Variants in DNAH14 observed in about 807,000 individuals in gnomAD.
DNAH14 encodes dynein axonemal heavy chain 14.
DNAH14 carries 478 observed loss-of-function variants against 520.9 expected under a neutral mutation model. The observed-to-expected ratio is 0.92, with a 90% CI of 0.85 to 0.99. The LOEUF (loss-of-function observed/expected upper bound fraction) is 0.99. Among genes scored for constraint, DNAH14 ranks in the 50% least tolerant of loss-of-function variants. The probability of loss-of-function intolerance (pLI) is 0.00; values close to 1 mark genes in which losing one functional copy is unlikely to be tolerated. For missense variants in DNAH14, 4,831 were observed against 5,234.5 expected, an observed-to-expected ratio of 0.92 and a Z score of 2.38; for synonymous variants, 1,581 against 1,757.2, an observed-to-expected ratio of 0.90 and a Z score of 2.51.
rs1383101536 is a variant in DNAH14 at position 225,265,222 on chromosome 1, G to T, written c.7263G>T (p.Lys2421Asn). 6.6e-7 allele frequency: 1 copy of T among 1,505,424 alleles called. No homozygotes were observed. The highest frequency in any genetic ancestry group is 8.8e-7 in the Non-Finnish European group (1 of 1,132,232). 93.3% of individuals were successfully genotyped at this position (1,505,424 alleles called of 1,614,324 possible). The change falls in exon 48 of 86, where the codon AAG becomes AAT. Residue 2421 changes from lysine to asparagine, a missense_variant. By Grantham distance (94) the Lys-to-Asn change is moderately conservative. Transcript: ENST00000682510. ...AGCCAGAAGTTAGAACTAATAAAAA[G>T]TTACTTAAAAATAATGATCATAAAG... ...TKKPEVRTNK[K>N]LLKNNDHKGV...
intron 30 of DNAH14, 33 bp downstream of exon 30, chr1:225,145,412 A>G: frequency 1.4e-6 from 2 of 1,447,896 alleles, no homozygotes; most frequent in Non-Finnish European, 1.9e-6. Context: ...AGGAAGAAAT[A>G]TTGTACACAT....
chr1:225,108,174 A>G (rs2076228652), intron 23 of DNAH14, among the ~76,000 whole-genome samples: 2 of 152,142 alleles, frequency 1.3e-5, no homozygotes, highest in South Asian at 4.1e-4. Flanking sequence ...CCCTTGCTGG[A>G]TGCTTCCTGC....
At position 225,310,134 on chromosome 1, in the gene DNAH14, A is replaced by T. The variant is rs141757273; in HGVS notation, c.9240+1724A>T. Among the ~76,000 whole-genome samples, 36 of 152,048 alleles carry T rather than the reference A, an allele frequency of 2.4e-4. No homozygotes were observed. The East Asian group carries it at 6.4e-3, about 27-fold the overall frequency. On this transcript the variant is annotated intron_variant, in intron 60 of 85. Transcript: ENST00000682510. ...TATTTTAAGCCAATTAAAAATTGAT[A>T]CAGAGAAATTCATGGCGTTTGTTTT...
At chr1:225,172,771 A>G (rs2082855051) in intron 36 of DNAH14, among the ~76,000 whole-genome samples, 1 of 152,010 alleles carries the variant, frequency 6.6e-6, no homozygotes, top group Non-Finnish European at 1.5e-5. Flanking sequence ...TAAAATTCAT[A>G]TGGAACCAAA....
chr1:224,948,093 T>C (rs897049329), intron 1 of DNAH14, among the ~76,000 whole-genome samples: 3 of 152,014 alleles, frequency 2.0e-5, no homozygotes, highest in Non-Finnish European at 1.5e-5. Context: ...ATTTGTTTGT[T>C]TGCTAGTTTT....
At position 225,240,279 on chromosome 1, in the gene DNAH14, T is replaced by C. The variant is rs1206593806; in HGVS notation, c.6519-314T>C. 2.7e-5 allele frequency among the ~76,000 whole-genome samples: 4 copies of C among 149,928 alleles called. No homozygotes were observed. The Admixed American group carries it at 2.7e-4, about 10-fold the overall frequency. On this transcript the variant is annotated intron_variant, in intron 42 of 85. Coordinates refer to ENST00000682510, the MANE Select transcript of DNAH14 (RefSeq NM_001367479.1). ...TATATATGTATATTAAATAACATAC[T>C]AAACATATATTAAAGTATATTATAA... is the stretch of plus-strand genomic sequence containing the variant.
At chr1:225,122,829 G>A (rs915152066) in intron 26 of DNAH14, among the ~76,000 whole-genome samples, 17 of 151,982 alleles carry the variant, frequency 1.1e-4, no homozygotes, top group Admixed American at 6.6e-5. Flanking sequence ...AAAATTAAAA[G>A]GTTCAGTACT....
chr1:225,060,939 C>G (rs1303650241), intron 17 of DNAH14, among the ~76,000 whole-genome samples: 7 of 97,170 alleles, frequency 7.2e-5, no homozygotes, highest in African/African-American at 2.0e-4. Context: ...GGCTACCTCC[C>G]AGTTAGGCTA....
At chr1:225,347,606 A>G (rs16844752) in intron 71 of DNAH14, among the ~76,000 whole-genome samples, 36,296 of 152,062 alleles carry the variant, frequency 0.24, 4,552 homozygotes, top group East Asian at 0.35. Flanking sequence ...ACTAAAATCC[A>G]GATGCAAGCA....
Position 224,929,751 on chromosome 1 carries a change from A to C in DNAH14, c.-118A>C, listed in dbSNP as rs1164826947. On this transcript the variant is annotated 5_prime_UTR_variant, in exon 1 of 86. Coordinates refer to ENST00000682510, the MANE Select transcript of DNAH14 (RefSeq NM_001367479.1). ...CTGCGCGGTCCTTCCCATTCACCCT[A>C]GTCTGGCGCTCGCCGGCGTGGGCGG... 3.0e-5 allele frequency: 21 copies of C among 701,918 alleles called. No homozygotes were observed. The highest frequency in any genetic ancestry group is 2.6e-6 in the Non-Finnish European group (1 of 384,662). 43.5% of individuals were successfully genotyped at this position (701,918 alleles called of 1,614,324 possible).
At chr1:225,258,432 G>A (rs985885334) in intron 45 of DNAH14, among the ~76,000 whole-genome samples, 3 of 152,008 alleles carry the variant, frequency 2.0e-5, no homozygotes, top group African/African-American at 4.8e-5. Flanking sequence ...AACATTGATT[G>A]GTTTACTTAC....
intron 54 of DNAH14, among the ~76,000 whole-genome samples, chr1:225,277,744 G>A (rs963121146): frequency 1.3e-5 from 2 of 152,134 alleles, no homozygotes; most frequent in African/African-American, 4.8e-5. Flanking sequence ...TCTAGTGTTC[G>A]CAGCATTAAT....
In DNAH14 at chr1:225,080,621, G is replaced by A. The variant is rs1294472187; in HGVS notation, c.3009G>A (p.Trp1003Ter). The change falls in exon 19 of 86, where the codon TGG (tryptophan) becomes TGA (stop). Residue 1003 changes from tryptophan (W) to a stop codon, truncating the protein, a stop_gained. Transcript: ENST00000682510. LOFTEE classifies it high-confidence loss of function. The part of the protein sequence containing the change: ...EGDLTLRKKL[W>*]EAQEEWKRAS... ...ACTTGACTTTGAGGAAAAAACTATG[G>A]GAAGCACAAGAGGAGTGGAAGCGAG... 2 of 1,552,068 alleles carry A rather than the reference G, an allele frequency of 1.3e-6. No homozygotes were observed. Among genetic ancestry groups the A allele is most frequent in the East Asian group, 4.9e-5 (2 of 40,898 alleles).
intron 17 of DNAH14, among the ~76,000 whole-genome samples, chr1:225,077,309 A>T (rs903801571): frequency 6.6e-6 from 1 of 152,162 alleles, no homozygotes; most frequent in Non-Finnish European, 1.5e-5. Context: ...TATTTTTAAG[A>T]TTTTTGTGTT....
intron 36 of DNAH14, among the ~76,000 whole-genome samples, chr1:225,174,134 A>T (rs1227261177): frequency 1.3e-5 from 2 of 152,124 alleles, no homozygotes; most frequent in African/African-American, 4.8e-5. Context: ...GAGGGGAGGG[A>T]TAGCATTAGG....
intron 8 of DNAH14, among the ~76,000 whole-genome samples, chr1:225,000,062 A>C (rs1259088519): frequency 6.6e-6 from 1 of 152,168 alleles, no homozygotes; most frequent in African/African-American, 2.4e-5. Context: ...TTCTGTTTAA[A>C]GAACTTTCTG....
At chr1:225,192,634 A>G in intron 37 of DNAH14, 62 bp from the exon 38 acceptor site, 1 of 1,191,940 alleles carries the variant, frequency 8.4e-7, no homozygotes, top group Non-Finnish European at 1.2e-6. Flanking sequence ...ATAAGAATGC[A>G]AATAAACTAA....
intron 44 of DNAH14, among the ~76,000 whole-genome samples, chr1:225,254,274 A>T (rs1460514466): frequency 6.6e-6 from 1 of 152,170 alleles, no homozygotes; most frequent in East Asian, 1.9e-4. Flanking sequence ...TTATATTTGG[A>T]TCTTTGTTAA....
intron 71 of DNAH14, 89 bp from the exon 72 acceptor site, chr1:225,351,558 A>T: frequency 1.3e-6 from 1 of 791,844 alleles, no homozygotes; most frequent in Non-Finnish European, 1.9e-6. Flanking sequence ...CCTTAACAGT[A>T]CATCTTTGTC....
Sources: allele counts gnomAD v4.1 joint callset (sites outside exome capture counted in the v4.1 genomes callset), GRCh38; gene constraint gnomAD v4.1.1; transcripts MANE v1.5; gene names NCBI Gene and HGNC (gene_info 2026-07-23, HGNC 2026-07-21).